PCDH11X: variants seen among roughly 807,000 people sequenced by gnomAD.
PCDH11X encodes the protein protocadherin 11 X-linked, also known as protocadherin-11 X-linked.
PCDH11X carries 18 observed loss-of-function variants against 53.3 expected under a neutral mutation model. The ratio of observed to expected loss-of-function variants is 0.34; its 90% confidence interval spans 0.23 to 0.50. PCDH11X has a LOEUF of 0.50. Among genes scored for constraint, PCDH11X ranks in the 20% least tolerant of loss-of-function variants. The pLI, the probability that PCDH11X is intolerant of heterozygous loss-of-function variation, is 0.98. For synonymous variants in PCDH11X, 279 were observed against 393.3 expected (o/e 0.71, Z 3.44); for missense variants, 570 against 1,032.4 (o/e 0.55, Z 6.14).
intron 10 of PCDH11X, among the ~76,000 whole-genome samples, chrX:92,613,605 A>G (rs1927645265): frequency 9.8e-6 from 1 of 102,520 alleles, no homozygotes; most frequent in African/African-American, 3.6e-5. Context: ...CAGTCTTGTG[A>G]CCATATGCTT....
chrX:92,289,014 T>C (rs1234181905), intron 8 of PCDH11X, among the ~76,000 whole-genome samples: 1 of 111,849 alleles, frequency 8.9e-6, no homozygotes, highest in Non-Finnish European at 1.9e-5. Context: ...AAATATTTGC[T>C]TTAATAATAG....
Position 92,619,219 on chromosome X carries a change from A to G in PCDH11X, c.*279A>G. 2.6e-6 allele frequency: 1 copy of G among 380,448 alleles called. No individual in the cohort carries two copies. The allele number at this position is 380,448 out of a possible 1,213,427, so 31.4% of individuals were successfully genotyped here. A position where few individuals can be genotyped will look rare whatever the true frequency, so the allele number is the denominator to read the frequency against. On this transcript the variant is annotated 3_prime_UTR_variant, in exon 11 of 11. Transcript: ENST00000682573. ...ACAGAGCGCACTATTTCTGATGTACAGTATTTTTTGTTGTTTTTATCATCA... is the reference window on the plus strand; with the variant it reads ...ACAGAGCGCACTATTTCTGATGTACGGTATTTTTTGTTGTTTTTATCATCA...
chrX:91,878,565 G>T lies in PCDH11X; in HGVS notation c.2325G>T (p.Ser775=), dbSNP rs140868736. 251 of 1,209,129 alleles carry T rather than the reference G, an allele frequency of 2.1e-4. No individual in the cohort carries two copies. Among genetic ancestry groups the T allele is most frequent in the Non-Finnish European group, 9.2e-5 (82 of 895,094 alleles). ...VVIVNLFVNE[S]VTNATLINEL... ...TTGTCAATCTGTTCGTGAATGAGTC[G>T]GTGACCAATGCTACACTGATTAATG... Residue 775 remains serine (S), a synonymous_variant, in exon 6 of 11, where the codon TCG becomes TCT. Transcript: ENST00000682573.
At chrX:92,230,581 TAA>T (rs1286762346) in intron 7 of PCDH11X, among the ~76,000 whole-genome samples, 2 of 95,475 alleles carry the variant, frequency 2.1e-5, no homozygotes, top group African/African-American at 7.5e-5. Flanking sequence ...ATAATATATA[TAA>T]TATATATAAA....
rs776305844 is a variant in PCDH11X, at chrX:92,347,647, G to A, written c.3145-40088G>A. Among the ~76,000 whole-genome samples, 6 of 111,691 alleles carry A rather than the reference G, an allele frequency of 5.4e-5. No homozygotes were observed. The South Asian group carries it at 2.2e-3, about 42-fold the overall frequency. ...ACAACCTATTTCCATTCTTGCAGAT[G>A]AGGGTCTTGGATTCCTAGGTGTCAT... On this transcript the variant is annotated intron_variant, in intron 8 of 10. Transcript: ENST00000682573.
At chrX:91,927,122 G>T (rs1457564869) in intron 6 of PCDH11X, among the ~76,000 whole-genome samples, 1 of 108,979 alleles carries the variant, frequency 9.2e-6, no homozygotes, top group Non-Finnish European at 1.9e-5. Flanking sequence ...AATCTAGATA[G>T]ATAATGTGCT....
At chrX:92,071,101 G>T (rs1224275748) in intron 6 of PCDH11X, among the ~76,000 whole-genome samples, 1 of 108,371 alleles carries the variant, frequency 9.2e-6, no homozygotes, top group African/African-American at 3.4e-5. Flanking sequence ...CACTGCACCC[G>T]GCAAGGCCAG....
intron 10 of PCDH11X, among the ~76,000 whole-genome samples, chrX:92,612,862 C>T (rs1047991593): frequency 6.4e-5 from 7 of 109,996 alleles, no homozygotes; most frequent in African/African-American, 2.0e-4. Flanking sequence ...AACACTTAAC[C>T]ATTATGTAAT....
intron 7 of PCDH11X, among the ~76,000 whole-genome samples, chrX:92,250,227 T>A (rs1196253017): frequency 9.0e-6 from 1 of 111,236 alleles, no homozygotes; most frequent in African/African-American, 3.3e-5. Flanking sequence ...CTGCCTATAG[T>A]CTTTAAAAAT....
chrX:92,547,201 T>C (rs1359163512), intron 10 of PCDH11X, among the ~76,000 whole-genome samples: 1 of 107,983 alleles, frequency 9.3e-6, no homozygotes, highest in Non-Finnish European at 1.9e-5. Context: ...AGTATTAAGG[T>C]GATTTGGCAA....
At chrX:92,097,713 ATATATGTATATT>A (rs1373772801) in intron 6 of PCDH11X, among the ~76,000 whole-genome samples, 2 of 110,515 alleles carry the variant, frequency 1.8e-5, no homozygotes, top group African/African-American at 3.3e-5. Flanking sequence ...TATCTGCTAT[ATATATGTATATT>A]TATATTCAGT....
chrX:92,584,765 G>C (rs1372831253), intron 10 of PCDH11X, among the ~76,000 whole-genome samples: 1 of 103,853 alleles, frequency 9.6e-6, no homozygotes, highest in Non-Finnish European at 1.9e-5. Flanking sequence ...TCATTTTTAA[G>C]GCCAGCATTA....
At position 91,835,447 on chromosome X, in the gene PCDH11X, C is replaced by T; in HGVS notation, c.-44-14C>T. 1.7e-6 allele frequency: 2 copies of T among 1,210,750 alleles called. No individual in the cohort carries two copies. Among genetic ancestry groups the T allele is most frequent in the East Asian group, 3.0e-5 (1 of 33,793 alleles). ...TTCTTCTTCCTCTTCTCTCTCTCCT[C>T]TTCTTTTGGTCAGTGTTGTGCGGGT... On this transcript the variant is annotated splice_polypyrimidine_tract_variant and intron_variant, in intron 4 of 10. Coordinates refer to ENST00000682573, the MANE Select transcript of PCDH11X (RefSeq NM_032968.5).
intron 6 of PCDH11X, among the ~76,000 whole-genome samples, chrX:92,127,964 A>T: frequency 9.0e-6 from 1 of 110,738 alleles, no homozygotes; most frequent in East Asian, 2.8e-4. Flanking sequence ...TAGTTATTAC[A>T]AAAGAGTAAG....
chrX:92,258,599 C>A (rs2067648218), intron 7 of PCDH11X, among the ~76,000 whole-genome samples: 1 of 110,732 alleles, frequency 9.0e-6, no homozygotes, highest in Non-Finnish European at 1.9e-5. Flanking sequence ...AATCTCCTGA[C>A]CTCGTGATCC....
intron 5 of PCDH11X, among the ~76,000 whole-genome samples, chrX:91,873,558 G>A (rs1208480614): frequency 1.8e-5 from 2 of 110,668 alleles, no homozygotes; most frequent in African/African-American, 6.5e-5. Flanking sequence ...AAAAGACAGT[G>A]AGTATGCTGA....
intron 4 of PCDH11X, among the ~76,000 whole-genome samples, chrX:91,827,888 G>A (rs1241189432): frequency 6.5e-5 from 7 of 107,229 alleles, no homozygotes; most frequent in Non-Finnish European, 1.3e-4. Flanking sequence ...CTCATGTTTC[G>A]TTCTTTTTGC....
intron 6 of PCDH11X, among the ~76,000 whole-genome samples, chrX:92,004,793 T>G (rs1251382277): frequency 1.1e-5 from 1 of 91,912 alleles, no homozygotes; most frequent in Non-Finnish European, 2.1e-5. Context: ...TTTTTTTTTT[T>G]GAGATGGAGT....
chrX:92,448,829 C>T (rs1370120431), intron 9 of PCDH11X, among the ~76,000 whole-genome samples: 1 of 111,267 alleles, frequency 9.0e-6, no homozygotes, highest in Non-Finnish European at 1.9e-5. Flanking sequence ...TCAGTAACTT[C>T]TTATAGCCGA....
Sources: allele counts gnomAD v4.1 joint callset (sites outside exome capture counted in the v4.1 genomes callset), GRCh38; gene constraint gnomAD v4.1.1; transcripts MANE v1.5; gene names NCBI Gene and HGNC (gene_info 2026-07-23, HGNC 2026-07-21).